MOXD1: variants seen among roughly 807,000 people sequenced by gnomAD.
The protein encoded by MOXD1 is monooxygenase DBH like 1.
In MOXD1, 62 loss-of-function variants were observed where a neutral mutation model predicts 66.6. The ratio of observed to expected loss-of-function variants is 0.93; its 90% confidence interval spans 0.76 to 1.15. The LOEUF is 1.15. Among genes scored for constraint, MOXD1 ranks in the 50% most tolerant of loss-of-function variants. The pLI is 0.00. For missense variants in MOXD1, 847 were observed against 754.6 expected, an observed-to-expected ratio of 1.12 and a Z score of -1.44; for synonymous variants, 303 against 281.9, an observed-to-expected ratio of 1.07 and a Z score of -0.75.
At chr6:132,372,490 T>TA (rs1310258431) in intron 4 of MOXD1, 118 bp downstream of exon 4, 1 of 962,456 alleles carries the variant, frequency 1.0e-6, no homozygotes. Flanking sequence ...CTTTTTTCTC[T>TA]AAAAAACTTT....
chr6:132,380,804 A>G (rs551153071), intron 1 of MOXD1, among the ~76,000 whole-genome samples: 1 of 152,356 alleles, frequency 6.6e-6, no homozygotes, highest in Non-Finnish European at 1.5e-5. Flanking sequence ...AAGACCGGAT[A>G]TGGATTGTGT....
At chr6:132,344,338 A>T (rs1405720077) in intron 4 of MOXD1, among the ~76,000 whole-genome samples, 1 of 152,208 alleles carries the variant, frequency 6.6e-6, no homozygotes, top group African/African-American at 2.4e-5. Context: ...TGCATGAGAT[A>T]AAAAATCCCA....
intron 1 of MOXD1, among the ~76,000 whole-genome samples, chr6:132,398,954 A>AAG (rs1562303803): frequency 1.1e-4 from 16 of 151,556 alleles, no homozygotes; most frequent in African/African-American, 3.6e-4. Flanking sequence ...AAAAAAAAAA[A>AAG]AGAGAATCCT....
At chr6:132,392,360 G>T in intron 1 of MOXD1, 1 of 1,533,180 alleles carries the variant, frequency 6.5e-7, no homozygotes, top group Non-Finnish European at 8.8e-7. Context: ...ACCCCCATAA[G>T]AAGGGTGAAT....
In MOXD1 at chr6:132,401,390, G is replaced by A. The variant is rs1483784510; in HGVS notation, c.37C>T (p.Leu13Phe). The A allele has an allele frequency of 2.6e-6, 4 of 1,533,004 alleles. No homozygotes were observed. The highest frequency in any genetic ancestry group is 2.5e-5 in the East Asian group (1 of 39,782). The allele number at this position is 1,533,004 out of a possible 1,614,324, so 95.0% of individuals were successfully genotyped here. Residue 13 changes from leucine (L) to phenylalanine (F), a missense_variant, in exon 1 of 12, where the codon CTC (leucine) becomes TTC (phenylalanine). Leu to Phe is a conservative substitution (Grantham distance 22). Coordinates refer to ENST00000367963, the MANE Select transcript of MOXD1 (RefSeq NM_015529.4). ...CWPLLLLWGL[L>F]PGTAAGGSGR... is the part of the protein sequence containing the mutation. Reference sequence around the variant, plus strand: ...GAGCCCCCCGCCGCCGTCCCGGGGAGCAGCCCCCACAGCAGGAGCAGCGGC... The same window carrying A: ...GAGCCCCCCGCCGCCGTCCCGGGGAACAGCCCCCACAGCAGGAGCAGCGGC...
intron 4 of MOXD1, among the ~76,000 whole-genome samples, chr6:132,337,439 A>G (rs1210938302): frequency 6.6e-6 from 1 of 152,236 alleles, no homozygotes; most frequent in Non-Finnish European, 1.5e-5. Context: ...TAGTTACTTC[A>G]GTAAATGCCC....
intron 4 of MOXD1, among the ~76,000 whole-genome samples, chr6:132,344,821 GTAAA>G (rs1198931701): frequency 6.6e-6 from 1 of 152,156 alleles, no homozygotes; most frequent in Non-Finnish European, 1.5e-5. Context: ...CCAACTTTGG[GTAAA>G]TAGGCTGCCC....
chr6:132,374,959 T>G (rs1023745204), intron 1 of MOXD1, 182 bp from the exon 2 acceptor site: 55 of 629,412 alleles, frequency 8.7e-5, no homozygotes, highest in Admixed American at 1.5e-4. Context: ...ATCTTTGAAC[T>G]TCTGGCCTTT....
At chr6:132,311,197 G>C (rs935453641) in intron 10 of MOXD1, among the ~76,000 whole-genome samples, 1 of 152,020 alleles carries the variant, frequency 6.6e-6, no homozygotes, top group African/African-American at 2.4e-5. Context: ...TTCCCAAATT[G>C]AAAGAACTTG....
intron 4 of MOXD1, among the ~76,000 whole-genome samples, chr6:132,331,211 C>T (rs1412910031): frequency 2.0e-5 from 3 of 152,186 alleles, no homozygotes; most frequent in African/African-American, 7.2e-5. Context: ...GGGGACAGGG[C>T]ACTGCTAAGA....
intron 2 of MOXD1, among the ~76,000 whole-genome samples, chr6:132,374,374 C>T (rs1048560963): frequency 1.3e-5 from 2 of 151,714 alleles, no homozygotes; most frequent in Non-Finnish European, 2.9e-5. Context: ...ATGGCTAAAT[C>T]ATACAAATTT....
At chr6:132,309,645 A>G (rs138968365) in intron 10 of MOXD1, among the ~76,000 whole-genome samples, 1 of 152,324 alleles carries the variant, frequency 6.6e-6, no homozygotes, top group East Asian at 1.9e-4. Flanking sequence ...AGTAACTAAA[A>G]CAGCATGATA....
rs9388990 is a variant in MOXD1 at position 132,386,327 on chromosome 6, G to A, written c.265-11550C>T. Among the ~76,000 whole-genome samples the A allele has an allele frequency of 1.4e-3, 170 of 118,218 alleles. 2 individuals are homozygous for A. The highest frequency in any genetic ancestry group is 0.013 in the East Asian group (22 of 1,674). 77.6% of individuals were successfully genotyped at this position (118,218 alleles called of 152,430 possible). On this transcript the variant is annotated intron_variant, in intron 1 of 11. Coordinates refer to ENST00000367963, the MANE Select transcript of MOXD1 (RefSeq NM_015529.4). ...TGAGGCAGGAGAATGGCGTGAACCCGGGAGGCGGAGCTTGCAGTGAGCCGA... is the reference window on the plus strand; with the variant it reads ...TGAGGCAGGAGAATGGCGTGAACCCAGGAGGCGGAGCTTGCAGTGAGCCGA...
At chr6:132,378,602 A>G (rs1418803280) in intron 1 of MOXD1, among the ~76,000 whole-genome samples, 1 of 152,210 alleles carries the variant, frequency 6.6e-6, no homozygotes, top group Non-Finnish European at 1.5e-5. Flanking sequence ...TACAGACACT[A>G]AAAGGTTAAT....
chr6:132,379,296 G>A (rs1006266402), intron 1 of MOXD1, among the ~76,000 whole-genome samples: 2 of 152,160 alleles, frequency 1.3e-5, no homozygotes, highest in Non-Finnish European at 2.9e-5. Context: ...GAAAAAAACA[G>A]TTTATAACAT....
At chr6:132,338,634 A>T (rs937445379) in intron 4 of MOXD1, among the ~76,000 whole-genome samples, 1 of 152,194 alleles carries the variant, frequency 6.6e-6, no homozygotes, top group African/African-American at 2.4e-5. Context: ...TTAGTAAATC[A>T]ATTGCACATA....
At position 132,401,368 on chromosome 6, in the gene MOXD1, C is replaced by A. The variant is rs1465524802; in HGVS notation, c.59G>T (p.Gly20Val). Reference sequence around the variant, plus strand: ...CCGGTGCGGATAGGTTCGGCCCGAGCCCCCCGCCGCCGTCCCGGGGAGCAG... The same window carrying A: ...CCGGTGCGGATAGGTTCGGCCCGAGACCCCCGCCGCCGTCCCGGGGAGCAG... ...WGLLPGTAAG[G>V]SGRTYPHRTL... is the part of the protein sequence containing the mutation. The change falls in exon 1 of 12, where the codon GGC becomes GTC. Residue 20 changes from glycine to valine, a missense_variant. Transcript: ENST00000367963. 14 of 1,546,054 alleles carry A rather than the reference C, an allele frequency of 9.1e-6. No individual in the cohort carries two copies. Among genetic ancestry groups the A allele is most frequent in the South Asian group, 1.2e-5 (1 of 84,148 alleles).
At chr6:132,399,193 G>C (rs1324464341) in intron 1 of MOXD1, among the ~76,000 whole-genome samples, 1 of 151,994 alleles carries the variant, frequency 6.6e-6, no homozygotes, top group African/African-American at 2.4e-5. Flanking sequence ...TAATTGAATA[G>C]CATAATTTTA....
chr6:132,380,374 T>G (rs1776483997), intron 1 of MOXD1, among the ~76,000 whole-genome samples: 1 of 152,164 alleles, frequency 6.6e-6, no homozygotes, highest in African/African-American at 2.4e-5. Context: ...CTCCCTTCAA[T>G]TACTCTGCCT....
Sources: gnomAD v4.1 joint callset for allele counts (sites outside exome capture counted in the v4.1 genomes callset) on GRCh38, gnomAD v4.1.1 for gene constraint, MANE v1.5 for transcripts, NCBI Gene and HGNC (gene_info 2026-07-23, HGNC 2026-07-21) for gene names.